The following CFAP299 variants were observed in gnomAD, a reference collection of about 807,000 sequenced individuals.
The protein encoded by CFAP299 is cilia- and flagella-associated protein 299.
CFAP299 carries 21 observed loss-of-function variants against 27.0 expected under a neutral mutation model. The observed-to-expected ratio is 0.78, with a 90% CI of 0.55 to 1.12. The LOEUF (loss-of-function observed/expected upper bound fraction) is 1.12. Among genes scored for constraint, CFAP299 ranks in the 50% most tolerant of loss-of-function variants. The pLI, the probability that CFAP299 is intolerant of heterozygous loss-of-function variation, is 0.00. For synonymous variants in CFAP299, 104 were observed against 98.1 expected, an observed-to-expected ratio of 1.06 and a Z score of -0.36; for missense variants, 310 against 276.6, an observed-to-expected ratio of 1.12 and a Z score of -0.86.
intron 4 of CFAP299, among the ~76,000 whole-genome samples, chr4:80,929,756 T>C (rs762336227): frequency 4.6e-5 from 7 of 152,148 alleles, no homozygotes; most frequent in Non-Finnish European, 8.8e-5. Flanking sequence ...GCATATCTCT[T>C]TTCTGCTTAC....
chr4:80,605,202 T>G (rs1737590972), intron 3 of CFAP299, among the ~76,000 whole-genome samples: 1 of 152,008 alleles, frequency 6.6e-6, no homozygotes, highest in Admixed American at 6.6e-5. Flanking sequence ...TTTTAGAGAG[T>G]GAGAGGTAGA....
chr4:80,388,202 C>G, intron 2 of CFAP299: 1 of 695,312 alleles, frequency 1.4e-6, no homozygotes, highest in Non-Finnish European at 2.7e-6. Flanking sequence ...GGTGAGGTGG[C>G]TGGGCACAGA....
intron 3 of CFAP299, among the ~76,000 whole-genome samples, chr4:80,852,405 A>G (rs1398141415): frequency 1.3e-5 from 2 of 152,100 alleles, no homozygotes; most frequent in Non-Finnish European, 2.9e-5. Flanking sequence ...ACCCAATAAA[A>G]TGAAGAAATT....
intron 5 of CFAP299, among the ~76,000 whole-genome samples, chr4:80,955,251 G>A (rs1473052070): frequency 6.6e-6 from 1 of 152,120 alleles, no homozygotes; most frequent in South Asian, 2.1e-4. Context: ...CTTAAGAGGA[G>A]CAATGCTTAG....
At chr4:80,418,042 G>A (rs1727102079) in intron 2 of CFAP299, among the ~76,000 whole-genome samples, 1 of 152,184 alleles carries the variant, frequency 6.6e-6, no homozygotes, top group African/African-American at 2.4e-5. Flanking sequence ...CACACAGTCT[G>A]TGGTATTTTG....
At chr4:80,549,611 A>G (rs1251012649) in intron 2 of CFAP299, among the ~76,000 whole-genome samples, 1 of 152,148 alleles carries the variant, frequency 6.6e-6, no homozygotes, top group Non-Finnish European at 1.5e-5. Flanking sequence ...TGGATTTTCA[A>G]CAGGGTAACT....
chr4:80,432,819 GC>G (rs1282431557), intron 2 of CFAP299, among the ~76,000 whole-genome samples: 1 of 152,002 alleles, frequency 6.6e-6, no homozygotes, highest in Non-Finnish European at 1.5e-5. Flanking sequence ...ACCGTGCCCG[GC>G]CTACACTCTA....
chr4:80,870,288 A>G (rs1392810681), intron 4 of CFAP299, 153 bp downstream of exon 4: 9 of 1,277,958 alleles, frequency 7.0e-6, no homozygotes, highest in Non-Finnish European at 9.0e-6. Context: ...AAAATAAGGA[A>G]TAAGCATAGA....
chr4:80,714,003 T>C (rs1041832106), intron 3 of CFAP299, among the ~76,000 whole-genome samples: 2 of 152,120 alleles, frequency 1.3e-5, no homozygotes, highest in Non-Finnish European at 2.9e-5. Flanking sequence ...ATTAAACTTA[T>C]GAGATAGTGG....
At chr4:80,912,154 A>G (rs1039995903) in intron 4 of CFAP299, among the ~76,000 whole-genome samples, 1 of 152,198 alleles carries the variant, frequency 6.6e-6, no homozygotes, top group African/African-American at 2.4e-5. Flanking sequence ...TGAACAAAAT[A>G]ATAATTACAT....
intron 2 of CFAP299, among the ~76,000 whole-genome samples, chr4:80,518,554 A>C (rs958335329): frequency 1.2e-4 from 18 of 152,098 alleles, no homozygotes; most frequent in African/African-American, 4.1e-4. Flanking sequence ...CTTTTCATGA[A>C]AAATGGATTT....
chr4:80,495,955 G>A (rs895583640), intron 2 of CFAP299, among the ~76,000 whole-genome samples: 1 of 152,214 alleles, frequency 6.6e-6, no homozygotes, highest in African/African-American at 2.4e-5. Context: ...AGAGCAGTGG[G>A]CCCTGGGCCT....
At chr4:80,626,681 T>A (rs1020974579) in intron 3 of CFAP299, among the ~76,000 whole-genome samples, 3 of 151,708 alleles carry the variant, frequency 2.0e-5, no homozygotes, top group African/African-American at 4.8e-5. Context: ...AAGGAGATAT[T>A]ACAATTGACA....
chr4:80,947,312 G>A (rs982163992), intron 5 of CFAP299, among the ~76,000 whole-genome samples: 16 of 152,170 alleles, frequency 1.1e-4, no homozygotes, highest in Admixed American at 2.0e-4. Flanking sequence ...ATTTGGATAC[G>A]TATATTTCTT....
intron 2 of CFAP299, among the ~76,000 whole-genome samples, chr4:80,570,420 A>G (rs1277771307): frequency 2.0e-5 from 3 of 152,100 alleles, no homozygotes; most frequent in Non-Finnish European, 2.9e-5. Flanking sequence ...CACTCCTACA[A>G]AACAATACAA....
At chr4:80,405,296 C>G (rs1443376292) in intron 2 of CFAP299, among the ~76,000 whole-genome samples, 5 of 152,088 alleles carry the variant, frequency 3.3e-5, no homozygotes, top group Non-Finnish European at 7.4e-5. Flanking sequence ...AAGAAGACTC[C>G]TGATGGGGAT....
chr4:80,769,608 G>T (rs1197552058), intron 3 of CFAP299, among the ~76,000 whole-genome samples: 1 of 152,072 alleles, frequency 6.6e-6, no homozygotes, highest in Non-Finnish European at 1.5e-5. Flanking sequence ...TGCCTAGGCT[G>T]GTATGGAACC....
chr4:80,522,406 C>T (rs185765160), intron 2 of CFAP299, among the ~76,000 whole-genome samples: 105 of 152,104 alleles, frequency 6.9e-4, no homozygotes, highest in Middle Eastern at 6.8e-3. Flanking sequence ...GATACAAACC[C>T]TTATCAGTTA....
chr4:80,560,449 C>A (rs1734982477), intron 2 of CFAP299, among the ~76,000 whole-genome samples: 1 of 152,066 alleles, frequency 6.6e-6, no homozygotes, highest in African/African-American at 2.4e-5. Context: ...GTAAAGGGGA[C>A]TTTGTCTTGC....
Sources: allele counts gnomAD v4.1 joint callset (sites outside exome capture counted in the v4.1 genomes callset), GRCh38; gene constraint gnomAD v4.1.1; transcripts MANE v1.5; gene names NCBI Gene and HGNC (gene_info 2026-07-23, HGNC 2026-07-21).